RYR3: variants seen among roughly 807,000 people sequenced by gnomAD.
RYR3 encodes the protein brain ryanodine receptor-calcium release channel.
Under a neutral mutation model 584.3 loss-of-function variants are expected in RYR3, and 207 were observed. The ratio of observed to expected loss-of-function variants is 0.35; its 90% CI spans 0.32 to 0.40. RYR3 has a LOEUF of 0.40. Ranked by LOEUF, RYR3 falls within the 10% of genes least tolerant of loss-of-function variation. The pLI is 1.00. For synonymous variants in RYR3, 2,416 were observed against 2,248.5 expected (o/e 1.07, Z -2.11); for missense variants, 5,616 against 6,089.2 (o/e 0.92, Z 2.59).
rs374670617 is a variant in RYR3, at chr15:33,535,276, G to A, written c.433+1887G>A. ...GAAAAAAAAATCCAGCATCCAAACC[G>A]TGTGTACTTGCTGTTTCCATGTCTT... On this transcript the variant is annotated intron_variant, in intron 5 of 103. Transcript: ENST00000634891. 3.2e-3 allele frequency among the ~76,000 whole-genome samples: 487 copies of A among 152,306 alleles called. 4 individuals are homozygous for A. Among genetic ancestry groups the A allele is most frequent in the African/African-American group, 0.011 (461 of 41,570 alleles).
chr15:33,480,715 G>A (rs192882753), intron 2 of RYR3, among the ~76,000 whole-genome samples: 8 of 152,268 alleles, frequency 5.3e-5, no homozygotes, highest in Non-Finnish European at 1.0e-4. Context: ...AAAACATTCT[G>A]TGTATCACTC....
chr15:33,812,806 C>A (rs1252828027), intron 72 of RYR3, 57 bp from the exon 73 acceptor site: 2 of 1,576,608 alleles, frequency 1.3e-6, no homozygotes, highest in African/African-American at 2.7e-5. Context: ...CAAAAGGCTT[C>A]TTCAGTATAA....
At chr15:33,503,481 C>G (rs117498483) in intron 2 of RYR3, 150 bp from the exon 3 acceptor site, 1 of 595,246 alleles carries the variant, frequency 1.7e-6, no homozygotes, top group East Asian at 2.8e-5. Flanking sequence ...TAAAACCCAT[C>G]TTGAACAGGA....
chr15:33,521,548 CCT>C (rs1287829932), intron 3 of RYR3, among the ~76,000 whole-genome samples: 2 of 152,038 alleles, frequency 1.3e-5, no homozygotes, highest in Non-Finnish European at 2.9e-5. Flanking sequence ...TTTGATTTTG[CCT>C]CTGTTTTCCT....
chr15:33,861,022 T>C, intron 101 of RYR3, 56 bp from the exon 102 acceptor site: 7 of 1,283,640 alleles, frequency 5.5e-6, no homozygotes, highest in Non-Finnish European at 6.6e-6. Context: ...ATGACAGTTT[T>C]CTCTCCTGCC....
Position 33,638,281 on chromosome 15 carries a change from A to G in RYR3, c.3556+1731A>G, listed in dbSNP as rs2061609756. 2.0e-5 allele frequency among the ~76,000 whole-genome samples: 3 copies of G among 152,228 alleles called. No homozygotes were observed. The South Asian group carries it at 6.2e-4, about 32-fold the overall frequency. On this transcript the variant is annotated intron_variant, in intron 27 of 103. Transcript: ENST00000634891. ...GTGGGTGGACATCAGGGCAGTGTACAAGGACAACCAGGTGCTTTCCAAGCA... is the reference window on the plus strand; with the variant it reads ...GTGGGTGGACATCAGGGCAGTGTACGAGGACAACCAGGTGCTTTCCAAGCA...
Position 33,628,482 on chromosome 15 carries a change from A to C in RYR3, c.2586A>C (p.Pro862=), listed in dbSNP as rs1196746747. ...CPVDTSQVIL[P]PHLEKIRDRL... The stretch of plus-strand genomic sequence containing the variant: ...TCCTTTTCCTTTAGGTTATTTTGCC[A>C]CCTCACCTAGAAAAGATCCGAGACA... The change falls in exon 21 of 104, where the codon CCA becomes CCC. Residue 862 remains proline (P), a synonymous_variant. Coordinates refer to ENST00000634891, the MANE Select transcript of RYR3 (RefSeq NM_001036.6). 2.5e-6 allele frequency: 4 copies of C among 1,610,622 alleles called. No homozygotes were observed. Among genetic ancestry groups the C allele is most frequent in the African/African-American group, 2.7e-5 (2 of 74,840 alleles).
chr15:33,499,340 T>G (rs189414463), intron 2 of RYR3, among the ~76,000 whole-genome samples: 1 of 151,842 alleles, frequency 6.6e-6, no homozygotes, highest in East Asian at 1.9e-4. Context: ...TTCCCCTCTG[T>G]CTCCTTCTCT....
Position 33,837,720 on chromosome 15 carries a change from G to C in RYR3, c.11740G>C (p.Asp3914His). Reference sequence around the variant, plus strand: ...TGTAGAAATGATCTTGAAATTCTTTGACATGTTCTTGAAACTTAAAGACTT... The same window carrying C: ...TGTAGAAATGATCTTGAAATTCTTTCACATGTTCTTGAAACTTAAAGACTT... ...TNVEMILKFF[D>H]MFLKLKDLTS... Residue 3914 changes from aspartate (D) to histidine (H), a missense_variant, in exon 89 of 104, where the codon GAC becomes CAC. By Grantham distance (81) the Asp-to-His change is moderately conservative (BLOSUM62 -1). Coordinates refer to ENST00000634891, the MANE Select transcript of RYR3 (RefSeq NM_001036.6). 6.2e-7 allele frequency: 1 copy of C among 1,612,304 alleles called. No individual in the cohort carries two copies.
rs975131593 is a variant in RYR3, at chr15:33,743,410, C to T, written c.7899+966C>T. Among the ~76,000 whole-genome samples the T allele has an allele frequency of 7.2e-5, 11 of 152,354 alleles. No individual in the cohort carries two copies. The East Asian group carries it at 7.7e-4, about 11-fold the overall frequency. On this transcript the variant is annotated intron_variant, in intron 52 of 103. Coordinates refer to ENST00000634891, the MANE Select transcript of RYR3 (RefSeq NM_001036.6). Reference sequence around the variant, plus strand: ...GACCATCTCCATTGCAACAACTCCACTTGGCCGTTGCGGCACAAAAGTAGC... The same window carrying T: ...GACCATCTCCATTGCAACAACTCCATTTGGCCGTTGCGGCACAAAAGTAGC...
chr15:33,764,683 G>A (rs1225319037), intron 60 of RYR3, among the ~76,000 whole-genome samples: 1 of 151,936 alleles, frequency 6.6e-6, no homozygotes, highest in African/African-American at 2.4e-5. Context: ...GAATAAACAG[G>A]TGGACACTGC....
At chr15:33,693,417 C>T (rs200428933) in intron 38 of RYR3, among the ~76,000 whole-genome samples, 4 of 152,252 alleles carry the variant, frequency 2.6e-5, no homozygotes, top group South Asian at 2.1e-4. Flanking sequence ...GGCCCTCCTA[C>T]GCCCTGTGCC....
intron 92 of RYR3, among the ~76,000 whole-genome samples, chr15:33,844,306 A>G (rs564926996): frequency 6.6e-6 from 1 of 152,346 alleles, no homozygotes; most frequent in Non-Finnish European, 1.5e-5. Context: ...ATTGAGGTTG[A>G]AGTGACTTCA....
chr15:33,581,562 G>T lies in RYR3; in HGVS notation c.1492G>T (p.Val498Leu). ...TGACCGCTTAAATGTCTACAATAGCGTAGCACACTTTGCAGGGATTGCAAG... is the reference window on the plus strand; with the variant it reads ...TGACCGCTTAAATGTCTACAATAGCTTAGCACACTTTGCAGGGATTGCAAG... ...CIDRLNVYNS[V>L]AHFAGIAREE... Residue 498 changes from valine (V) to leucine (L), a missense_variant, in exon 14 of 104, where the codon GTA becomes TTA. Coordinates refer to ENST00000634891, the MANE Select transcript of RYR3 (RefSeq NM_001036.6). The T allele has an allele frequency of 1.9e-6, 3 of 1,613,250 alleles. No individual in the cohort carries two copies. Among genetic ancestry groups the T allele is most frequent in the Middle Eastern group, 3.3e-4 (2 of 6,056 alleles).
intron 1 of RYR3, among the ~76,000 whole-genome samples, chr15:33,370,747 G>T (rs2040272978): frequency 6.6e-6 from 1 of 152,106 alleles, no homozygotes; most frequent in South Asian, 2.1e-4. Flanking sequence ...GAAGAAACTG[G>T]AACCAGGGCA....
chr15:33,397,161 G>A (rs1265402327), intron 1 of RYR3, among the ~76,000 whole-genome samples: 2 of 152,162 alleles, frequency 1.3e-5, no homozygotes, highest in Non-Finnish European at 1.5e-5. Context: ...AACCTGTAAG[G>A]TGCCCATCCC....
At chr15:33,495,816 A>C (rs138386224) in intron 2 of RYR3, among the ~76,000 whole-genome samples, 4,298 of 152,302 alleles carry the variant, frequency 0.028, 84 homozygotes, top group Middle Eastern at 0.048. Flanking sequence ...CAAATACATA[A>C]ATAAAATCTG....
Position 33,584,349 on chromosome 15 carries a change from C to T in RYR3, c.1574-46C>T, listed in dbSNP as rs769326184. 9.5e-6 allele frequency: 10 copies of T among 1,048,936 alleles called. No individual in the cohort carries two copies. The Admixed American group carries it at 1.0e-4, about 11-fold the overall frequency. 65.0% of individuals were successfully genotyped at this position (1,048,936 alleles called of 1,614,324 possible). A position where few individuals can be genotyped will look rare whatever the true frequency, so the allele number is the denominator to read the frequency against. On this transcript the variant is annotated intron_variant, in intron 14 of 103. Coordinates refer to ENST00000634891, the MANE Select transcript of RYR3 (RefSeq NM_001036.6). ...CAGCTTTCCAAGTTCTCACGCCCAT[C>T]ATTATATCCTTTAACCTCTATGATC...
At chr15:33,828,939 T>TCA (rs2077518809) in intron 85 of RYR3, among the ~76,000 whole-genome samples, 1 of 152,148 alleles carries the variant, frequency 6.6e-6, no homozygotes, top group East Asian at 1.9e-4. Flanking sequence ...AGCCAATACC[T>TCA]CACTTCAGAG....
Sources: gnomAD v4.1 joint callset for allele counts (sites outside exome capture counted in the v4.1 genomes callset) on GRCh38, gnomAD v4.1.1 for gene constraint, MANE v1.5 for transcripts, NCBI Gene and HGNC (gene_info 2026-07-23, HGNC 2026-07-21) for gene names.